The following RGS7 variants were observed in gnomAD, a reference collection of about 807,000 sequenced individuals.
RGS7 encodes the protein regulator of G-protein signaling 7.
A neutral mutation model predicts 81.1 loss-of-function variants in RGS7; 27 were observed. That is an observed-to-expected ratio of 0.33 (90% CI 0.25 to 0.46). The LOEUF (loss-of-function observed/expected upper bound fraction) is 0.46, where lower values mean the gene tolerates loss of function less well. Ranked by LOEUF, RGS7 falls within the 20% of genes least tolerant of loss-of-function variation. The probability of loss-of-function intolerance (pLI) is 1.00; values close to 1 mark genes in which losing one functional copy is unlikely to be tolerated. For missense variants in RGS7, 396 were observed against 607.4 expected, an observed-to-expected ratio of 0.65 and a Z score of 3.66; for synonymous variants, 208 against 207.7, an observed-to-expected ratio of 1.00 and a Z score of -0.01.
chr1:241,016,757 G>A (rs2059266459), intron 3 of RGS7, among the ~76,000 whole-genome samples: 1 of 151,998 alleles, frequency 6.6e-6, no homozygotes, highest in Non-Finnish European at 1.5e-5. Flanking sequence ...AGCATATTGT[G>A]GTCTAATTTT....
At chr1:240,891,719 A>G (rs994716020) in intron 6 of RGS7, among the ~76,000 whole-genome samples, 5 of 152,230 alleles carry the variant, frequency 3.3e-5, no homozygotes, top group Admixed American at 3.3e-4. Flanking sequence ...GTAGGTAAAC[A>G]ATAATTAATT....
In RGS7 at chr1:240,969,861, C is replaced by T. The variant is rs116582206; in HGVS notation, c.226+13218G>A. 6.6e-3 allele frequency among the ~76,000 whole-genome samples: 999 copies of T among 152,314 alleles called. 13 individuals carry two copies. Among genetic ancestry groups the T allele is most frequent in the African/African-American group, 0.023 (937 of 41,568 alleles). ...TCTGTGAAGTGAAGGTGACATCCCT[C>T]GCCTGGAGCAGTGTTCATGCTTTTA... On this transcript the variant is annotated intron_variant, in intron 4 of 18. Transcript: ENST00000440928.
chr1:241,352,018 A>T (rs1175373797), intron 2 of RGS7, among the ~76,000 whole-genome samples: 2 of 152,196 alleles, frequency 1.3e-5, no homozygotes. Context: ...TGCTGGACTG[A>T]AAGTGATGTA....
At chr1:240,843,314 G>A (rs1658459842) in intron 9 of RGS7, among the ~76,000 whole-genome samples, 1 of 152,020 alleles carries the variant, frequency 6.6e-6, no homozygotes, top group Non-Finnish European at 1.5e-5. Context: ...TGCCCAGGCT[G>A]CAATGCAGTG....
intron 2 of RGS7, among the ~76,000 whole-genome samples, chr1:241,276,638 C>A (rs2078209350): frequency 6.6e-6 from 1 of 152,276 alleles, no homozygotes; most frequent in South Asian, 2.1e-4. Flanking sequence ...AACGTCCAGA[C>A]AATCAGGGTG....
In RGS7 at chr1:240,976,826, T is replaced by C. The variant is rs150039087; in HGVS notation, c.226+6253A>G. On this transcript the variant is annotated intron_variant, in intron 4 of 18. Coordinates refer to ENST00000440928, the MANE Select transcript of RGS7 (RefSeq NM_001364886.1). ...TATCATCTATCTATATTTTCTATCA[T>C]CTACCTATCATTTATCTATCATCTA... Among the ~76,000 whole-genome samples the C allele has an allele frequency of 2.0e-3, 298 of 149,804 alleles. 6 individuals carry two copies. In the East Asian group the frequency reaches 0.055, roughly 28 times the overall value.
intron 2 of RGS7, among the ~76,000 whole-genome samples, chr1:241,281,226 A>G (rs547446545): frequency 6.6e-6 from 1 of 152,340 alleles, no homozygotes; most frequent in East Asian, 1.9e-4. Context: ...TTTCAGTCAA[A>G]AGAAATGTAA....
chr1:240,878,754 A>G (rs140778708), intron 6 of RGS7, among the ~76,000 whole-genome samples: 205 of 152,092 alleles, frequency 1.3e-3, no homozygotes, highest in African/African-American at 4.6e-3. Context: ...TCAACAGTAC[A>G]TGGTCTGCAA....
rs1287767123 is a variant in RGS7 at position 241,271,073 on chromosome 1, A to G, written c.78+84626T>C. Among the ~76,000 whole-genome samples, 1 of 152,196 alleles carries G rather than the reference A, an allele frequency of 6.6e-6. No individual in the cohort carries two copies. Among genetic ancestry groups the G allele is most frequent in the Admixed American group, 6.5e-5 (1 of 15,282 alleles). ...TAATTTCTGCACGGGCCCTACTTTA[A>G]GTATCGCTGCAGTGGCGAAAGCATT... is the stretch of plus-strand genomic sequence containing the variant. On this transcript the variant is annotated intron_variant, in intron 2 of 18. Coordinates refer to ENST00000440928, the MANE Select transcript of RGS7 (RefSeq NM_001364886.1). This position sits in a 1 kb window ranked among gnomAD's most constrained non-coding sequence, Gnocchi z 4.6.
chr1:240,952,150 G>C (rs1679668217), intron 4 of RGS7, among the ~76,000 whole-genome samples: 1 of 151,864 alleles, frequency 6.6e-6, no homozygotes, highest in African/African-American at 2.4e-5. Flanking sequence ...TCTTCACAGA[G>C]AACAAATAAT....
chr1:241,097,998 G>A (rs2064404615), intron 3 of RGS7, among the ~76,000 whole-genome samples: 2 of 152,078 alleles, frequency 1.3e-5, no homozygotes, highest in Non-Finnish European at 2.9e-5. Flanking sequence ...CAGGACCTGG[G>A]CACCCAAACC....
chr1:240,805,230 A>C (rs910847473), intron 15 of RGS7, among the ~76,000 whole-genome samples: 4 of 152,040 alleles, frequency 2.6e-5, no homozygotes, highest in African/African-American at 9.7e-5. Context: ...AAAAATAAAA[A>C]AAAATTAGCC....
rs536834200 is a variant in RGS7, at chr1:240,796,404, G to A, written c.*6+4237C>T. Reference sequence around the variant, plus strand: ...AGTTACAGAGTTAAAAACAGATTTCGGCTGGGCACAGTGGCTCACACCTGT... The same window carrying A: ...AGTTACAGAGTTAAAAACAGATTTCAGCTGGGCACAGTGGCTCACACCTGT... On this transcript the variant is annotated intron_variant, in intron 18 of 18. Coordinates refer to ENST00000440928, the MANE Select transcript of RGS7 (RefSeq NM_001364886.1). 7.9e-5 allele frequency among the ~76,000 whole-genome samples: 12 copies of A among 152,088 alleles called. 1 individual carries two copies. In the South Asian group the frequency reaches 2.3e-3, roughly 29 times the overall value.
chr1:240,802,751 A>G lies in RGS7; in HGVS notation c.1359+153T>C, dbSNP rs572932517. 3.3e-5 allele frequency among the ~76,000 whole-genome samples: 5 copies of G among 152,276 alleles called. No homozygotes were observed. In the East Asian group the frequency reaches 9.6e-4, roughly 29 times the overall value. ...CAATAAACAAACAGAAACAACTTAA[A>G]TGGCCCTTATAAAATGCAAAGGTTT... On this transcript the variant is annotated intron_variant, in intron 16 of 18. Transcript: ENST00000440928.
At chr1:240,892,920 T>C (rs1225178157) in intron 6 of RGS7, among the ~76,000 whole-genome samples, 2 of 152,184 alleles carry the variant, frequency 1.3e-5, no homozygotes, top group Non-Finnish European at 2.9e-5. Flanking sequence ...TGAGTATAGA[T>C]ACTTAGTGTC....
chr1:241,016,502 G>C (rs977013883), intron 3 of RGS7, among the ~76,000 whole-genome samples: 5 of 152,000 alleles, frequency 3.3e-5, no homozygotes, highest in African/African-American at 4.8e-5. Flanking sequence ...TGGTGAAAGA[G>C]TGAGACTCAA....
intron 3 of RGS7, among the ~76,000 whole-genome samples, chr1:241,038,153 T>C (rs1241587628): frequency 6.6e-6 from 1 of 152,220 alleles, no homozygotes; most frequent in Non-Finnish European, 1.5e-5. Flanking sequence ...TTTGTTACAG[T>C]TGGCTGCTGT....
intron 6 of RGS7, among the ~76,000 whole-genome samples, chr1:240,925,241 C>T (rs1047660555): frequency 2.0e-5 from 3 of 152,034 alleles, no homozygotes; most frequent in African/African-American, 7.3e-5. Flanking sequence ...TGAGCATAGT[C>T]CCTAGTAGGT....
chr1:241,093,858 C>T (rs2064061912), intron 3 of RGS7, among the ~76,000 whole-genome samples: 1 of 151,746 alleles, frequency 6.6e-6, no homozygotes, highest in South Asian at 2.1e-4. Context: ...ACCATAAATA[C>T]TTTGTGTCCA....
Sources: gnomAD v4.1 joint callset for allele counts (sites outside exome capture counted in the v4.1 genomes callset) on GRCh38, gnomAD v4.1.1 for gene constraint, Gnocchi (gnomAD v3.1) non-coding constraint, MANE v1.5 for transcripts, NCBI Gene and HGNC (gene_info 2026-07-23, HGNC 2026-07-21) for gene names.